The following NBN variants were observed in gnomAD, a reference collection of about 807,000 sequenced individuals.
The protein encoded by NBN is Nijmegen breakage syndrome 1 (nibrin).
In NBN, 88 loss-of-function variants were observed where a neutral mutation model predicts 90.8. The observed-to-expected ratio is 0.97, with a 90% CI of 0.82 to 1.16. The LOEUF (loss-of-function observed/expected upper bound fraction) is 1.16. Ranked by LOEUF, NBN falls within the 50% of genes most tolerant of loss-of-function variation. The pLI, the probability that NBN is intolerant of heterozygous loss-of-function variation, is 0.00. For missense variants in NBN, 894 were observed against 869.6 expected (o/e 1.03, Z -0.35); for synonymous variants, 328 against 295.1 (o/e 1.11, Z -1.14).
chr8:89,960,197 C>A (rs548252213), intron 8 of NBN, among the ~76,000 whole-genome samples: 1 of 152,226 alleles, frequency 6.6e-6, no homozygotes, highest in Non-Finnish European at 1.5e-5. Context: ...ATATTTACTA[C>A]TAATTCTAAA....
chr8:89,953,798 C>A, intron 10 of NBN, 107 bp from the exon 11 acceptor site: 1 of 830,130 alleles, frequency 1.2e-6, no homozygotes. Flanking sequence ...TCACAATGTA[C>A]TCTTGATTTT....
At chr8:89,976,457 A>G (rs1412346724) in intron 5 of NBN, among the ~76,000 whole-genome samples, 2 of 152,346 alleles carry the variant, frequency 1.3e-5, no homozygotes, top group African/African-American at 2.4e-5. Flanking sequence ...ACTGATCTAG[A>G]TAAGTTACTT....
chr8:89,948,004 C>CT (rs1810277108), intron 11 of NBN, 112 bp from the exon 12 acceptor site: 1 of 625,240 alleles, frequency 1.6e-6, no homozygotes, highest in Non-Finnish European at 2.8e-6. Context: ...TTTCTAAAAA[C>CT]TTAAGAGATA....
chr8:89,969,245 G>A (rs1811391916), intron 7 of NBN, among the ~76,000 whole-genome samples: 1 of 152,172 alleles, frequency 6.6e-6, no homozygotes, highest in Non-Finnish European at 1.5e-5. Context: ...GCAAATTAAA[G>A]TCTAAGAAAA....
At chr8:89,968,719 C>G (rs1331891925) in intron 7 of NBN, among the ~76,000 whole-genome samples, 1 of 152,102 alleles carries the variant, frequency 6.6e-6, no homozygotes, top group East Asian at 1.9e-4. Context: ...TAAGCTTCTT[C>G]CCCACTGCCG....
intron 13 of NBN, 91 bp from the exon 14 acceptor site, chr8:89,943,457 C>A: frequency 1.6e-6 from 2 of 1,286,432 alleles, no homozygotes; most frequent in South Asian, 2.4e-5. Flanking sequence ...GATGGTAAAT[C>A]ATGCATAAGT....
rs570570928 is a variant in NBN at position 89,951,394 on chromosome 8, A to G, written c.1845+1850T>C. 5.9e-5 allele frequency among the ~76,000 whole-genome samples: 9 copies of G among 151,878 alleles called. No homozygotes were observed. In the East Asian group the frequency reaches 1.7e-3, roughly 29 times the overall value. ...ATAACATGTCAGAGAAAATCAGAGG[A>G]GAAGAGAGCACAGCAAGGGAAATGT... On this transcript the variant is annotated intron_variant, in intron 11 of 15. Coordinates refer to ENST00000265433, the MANE Select transcript of NBN (RefSeq NM_002485.5).
rs1469599475 is a variant in NBN, at chr8:89,934,119, T to C, written c.*1463A>G. ...GAACAATATTAATCTGTCCATTATA[T>C]TCCTTAACTGTAAAATGGAGACCAT... is the stretch of plus-strand genomic sequence containing the variant. On this transcript the variant is annotated 3_prime_UTR_variant, in exon 16 of 16. Coordinates refer to ENST00000265433, the MANE Select transcript of NBN (RefSeq NM_002485.5). The C allele has an allele frequency of 4.3e-6, 1 of 230,104 alleles. No homozygotes were observed. Among genetic ancestry groups the C allele is most frequent in the Non-Finnish European group, 8.6e-6 (1 of 116,232 alleles). 14.3% of individuals were successfully genotyped at this position (230,104 alleles called of 1,614,324 possible).
rs922081544 is a variant in NBN, at chr8:89,982,916, C to A, written c.38-61G>T. 24 of 1,495,432 alleles carry A rather than the reference C, an allele frequency of 1.6e-5. No individual in the cohort carries two copies. In the African/African-American group the frequency reaches 3.3e-4, roughly 21 times the overall value. 92.6% of individuals were successfully genotyped at this position (1,495,432 alleles called of 1,614,324 possible). A position where few individuals can be genotyped will look rare whatever the true frequency, so the allele number is the denominator to read the frequency against. On this transcript the variant is annotated intron_variant, in intron 1 of 15. Coordinates refer to ENST00000265433, the MANE Select transcript of NBN (RefSeq NM_002485.5). The stretch of plus-strand genomic sequence containing the variant: ...ATAGACACATACACATGTACACGAA[C>A]ACACACATACATGTAAGTGTATATG...
chr8:89,945,934 A>G (rs1031385086), intron 13 of NBN, among the ~76,000 whole-genome samples: 3 of 152,176 alleles, frequency 2.0e-5, no homozygotes, highest in African/African-American at 7.2e-5. Context: ...AAAGAATTCA[A>G]TCTTGATGAA....
rs747493132 is a variant in NBN, at chr8:89,984,590, C to A, written c.-29G>T. ...TCCGGCTCCTCAGGGCTGGGGCCGA[C>A]GTGCAACCGCGTAACCGGGGCTGCT... On this transcript the variant is annotated 5_prime_UTR_variant, in exon 1 of 16. Transcript: ENST00000265433. 5.6e-6 allele frequency: 9 copies of A among 1,611,704 alleles called. No homozygotes were observed. The highest frequency in any genetic ancestry group is 1.7e-4 in the Middle Eastern group (1 of 5,934).
At chr8:89,944,951 G>T (rs1810123133) in intron 13 of NBN, among the ~76,000 whole-genome samples, 1 of 152,098 alleles carries the variant, frequency 6.6e-6, no homozygotes, top group Non-Finnish European at 1.5e-5. Flanking sequence ...TCTTCCTATA[G>T]AAATTTTGGA....
Position 89,970,472 on chromosome 8 carries a change from A to G in NBN, c.788T>C (p.Phe263Ser), listed in dbSNP as rs147626427. 169 of 1,614,014 alleles carry G rather than the reference A, an allele frequency of 1.0e-4. No homozygotes were observed. In the African/African-American group the frequency reaches 2.1e-3, roughly 20 times the overall value. The stretch of plus-strand genomic sequence containing the variant: ...AACAACACACGTTCCCGGAGCCAAA[A>G]AGAAATTATGTTCTTCTTCATTCTC... ...TEENEEEHNFFLAPGTCVVDT... is the reference protein window; with the variant it reads ...TEENEEEHNFSLAPGTCVVDT... Residue 263 changes from phenylalanine (F) to serine (S), a missense_variant, in exon 7 of 16, where the codon TTT (phenylalanine) becomes TCT (serine). Transcript: ENST00000265433.
intron 14 of NBN, among the ~76,000 whole-genome samples, chr8:89,941,283 T>C (rs1249065660): frequency 6.6e-6 from 1 of 152,182 alleles, no homozygotes; most frequent in East Asian, 1.9e-4. Context: ...TGAGTGTTAC[T>C]GGCTTTCGAG....
At chr8:89,967,516 T>C (rs769053854) in intron 7 of NBN, among the ~76,000 whole-genome samples, 2 of 152,158 alleles carry the variant, frequency 1.3e-5, no homozygotes, top group Non-Finnish European at 2.9e-5. Flanking sequence ...CATAAATCAA[T>C]GATGAGCATG....
chr8:89,953,148 A>G (rs1810515258), intron 11 of NBN, 96 bp downstream of exon 11: 2 of 907,314 alleles, frequency 2.2e-6, no homozygotes, highest in Non-Finnish European at 3.6e-6. Context: ...TGTTAAAGAC[A>G]TTAATGGATG....
intron 13 of NBN, among the ~76,000 whole-genome samples, chr8:89,944,695 A>G (rs1810109492): frequency 6.6e-6 from 1 of 152,136 alleles, no homozygotes; most frequent in Non-Finnish European, 1.5e-5. Context: ...CTTCAACTTC[A>G]GCCTCCTGAG....
chr8:89,944,597 T>C (rs1361984351), intron 13 of NBN, among the ~76,000 whole-genome samples: 1 of 152,180 alleles, frequency 6.6e-6, no homozygotes, highest in Non-Finnish European at 1.5e-5. Flanking sequence ...AGTTGACCAC[T>C]TCCTGGTGCT....
intron 15 of NBN, 107 bp from the exon 16 acceptor site, chr8:89,935,719 A>C (rs1402186496): frequency 7.2e-7 from 1 of 1,387,012 alleles, no homozygotes; most frequent in African/African-American, 1.4e-5. Context: ...ATAGGATGGG[A>C]ATGACAATTT....
Sources: allele counts gnomAD v4.1 joint callset (sites outside exome capture counted in the v4.1 genomes callset), GRCh38; gene constraint gnomAD v4.1.1; transcripts MANE v1.5; gene names NCBI Gene and HGNC (gene_info 2026-07-23, HGNC 2026-07-21).